Variants in AKAP13 observed in about 807,000 individuals in gnomAD.
The protein encoded by AKAP13 is A-kinase anchoring protein 13.
A neutral mutation model predicts 264.5 loss-of-function variants in AKAP13; 80 were observed. That is an observed-to-expected ratio of 0.30 (90% CI 0.25 to 0.36). The LOEUF (loss-of-function observed/expected upper bound fraction) is 0.36, where lower values mean the gene tolerates loss of function less well. Among genes scored for constraint, AKAP13 ranks in the 10% least tolerant of loss-of-function variants. AKAP13 has a pLI of 1.00. For missense variants in AKAP13, 3,712 were observed against 3,435.2 expected, an observed-to-expected ratio of 1.08 and a Z score of -2.01; for synonymous variants, 1,380 against 1,250.2, an observed-to-expected ratio of 1.10 and a Z score of -2.19.
At chr15:85,418,201 G>C (rs1055858248) in intron 1 of AKAP13, among the ~76,000 whole-genome samples, 1 of 151,642 alleles carries the variant, frequency 6.6e-6, no homozygotes, top group African/African-American at 2.4e-5. Context: ...TCAGCCTCCC[G>C]AGTAGCTGGG....
chr15:85,742,778 C>A (rs557848438), intron 35 of AKAP13, among the ~76,000 whole-genome samples: 1 of 151,994 alleles, frequency 6.6e-6, no homozygotes, highest in Non-Finnish European at 1.5e-5. Context: ...ACCATGTTGC[C>A]GTTTGTTTGA....
chr15:85,414,513 T>TG (rs1330628804), intron 1 of AKAP13, among the ~76,000 whole-genome samples: 1 of 152,196 alleles, frequency 6.6e-6, no homozygotes, highest in Non-Finnish European at 1.5e-5. Context: ...ATTTAGATGA[T>TG]GATATAGAGA....
At chr15:85,397,002 C>G (rs994804335) in intron 1 of AKAP13, among the ~76,000 whole-genome samples, 8 of 143,060 alleles carry the variant, frequency 5.6e-5, no homozygotes, top group African/African-American at 2.1e-4. Context: ...CGTCAGTAGT[C>G]TTTTGTTCCC....
Position 85,440,870 on chromosome 15 carries a change from T to G in AKAP13, c.-11-44840T>G, listed in dbSNP as rs190534765. On this transcript the variant is annotated intron_variant, in intron 1 of 36. Transcript: ENST00000394518. ...TGGGAATGGCTTAGTGTGGTGGAAATTTTTAAAAAAATTCTGCAGTGGCTT... is the reference window on the plus strand; with the variant it reads ...TGGGAATGGCTTAGTGTGGTGGAAAGTTTTAAAAAAATTCTGCAGTGGCTT... Among the ~76,000 whole-genome samples, 67 of 152,294 alleles carry G rather than the reference T, an allele frequency of 4.4e-4. No homozygotes were observed. In the East Asian group the frequency reaches 0.013, roughly 29 times the overall value.
intron 2 of AKAP13, among the ~76,000 whole-genome samples, chr15:85,511,382 C>G (rs2076414214): frequency 1.3e-5 from 2 of 152,222 alleles, no homozygotes; most frequent in South Asian, 4.1e-4. Context: ...TCAGATCTGA[C>G]TGGCCAGGCT....
chr15:85,485,804 A>G (rs766117653), intron 2 of AKAP13, 51 bp downstream of exon 2: 5 of 1,566,454 alleles, frequency 3.2e-6, no homozygotes, highest in East Asian at 2.2e-5. Context: ...TGTTCTGCTT[A>G]CTTGTTATAA....
chr15:85,739,980 A>G lies in AKAP13; in HGVS notation c.7558-242A>G, dbSNP rs533754281. On this transcript the variant is annotated intron_variant, in intron 33 of 36. Coordinates refer to ENST00000394518, the MANE Select transcript of AKAP13 (RefSeq NM_007200.5). ...TCATTTTAAGTAATGGAAGCTTTCT[A>G]TTACATTTTAACTTGTGCTGATGTT... Among the ~76,000 whole-genome samples the G allele has an allele frequency of 2.0e-5, 3 of 152,278 alleles. No homozygotes were observed. The South Asian group carries it at 6.2e-4, about 32-fold the overall frequency.
rs115385197 is a variant in AKAP13, at chr15:85,579,678, C to T, written c.1610C>T (p.Ala537Val). 176 of 1,614,178 alleles carry T rather than the reference C, an allele frequency of 1.1e-4. No individual in the cohort carries two copies. The African/African-American group carries it at 2.0e-3, about 18-fold the overall frequency. Residue 537 changes from alanine to valine, a missense_variant, in exon 7 of 37, where the codon GCC becomes GTC. Physicochemically the swap from Ala to Val is moderately conservative, Grantham distance 64 (BLOSUM62 0). Coordinates refer to ENST00000394518, the MANE Select transcript of AKAP13 (RefSeq NM_007200.5). ...PVDKISVPNC[A>V]PAASSLDGNK... ...GATAAAATCAGTGTTCCAAACTGTG[C>T]CCCTGCTGCCAGTTCCCTGGATGGT... is the stretch of plus-strand genomic sequence containing the variant.
At chr15:85,572,415 T>C (rs1040066564) in intron 5 of AKAP13, among the ~76,000 whole-genome samples, 2 of 152,216 alleles carry the variant, frequency 1.3e-5, no homozygotes, top group African/African-American at 2.4e-5. Context: ...AGTCGTTTCT[T>C]TGAACTGTCG....
chr15:85,603,083 G>A (rs1461936554), intron 8 of AKAP13, among the ~76,000 whole-genome samples: 1 of 152,192 alleles, frequency 6.6e-6, no homozygotes, highest in Non-Finnish European at 1.5e-5. Flanking sequence ...CCCTTGAGAA[G>A]CAGGTTCTAA....
At chr15:85,552,893 A>G (rs1020878019) in intron 5 of AKAP13, among the ~76,000 whole-genome samples, 1 of 152,078 alleles carries the variant, frequency 6.6e-6, no homozygotes, top group Non-Finnish European at 1.5e-5. Flanking sequence ...TGGAGATGGC[A>G]ATGTTGACAT....
chr15:85,627,421 T>C (rs2081467974), intron 8 of AKAP13: 1 of 152,242 alleles, frequency 6.6e-6, no homozygotes, highest in Admixed American at 6.5e-5. Flanking sequence ...AGGTATACAC[T>C]ACCTCTAGAC....
intron 1 of AKAP13, among the ~76,000 whole-genome samples, chr15:85,436,836 A>G (rs1304850275): frequency 1.3e-5 from 2 of 151,986 alleles, no homozygotes; most frequent in Non-Finnish European, 2.9e-5. Flanking sequence ...AGGGAAATTT[A>G]TAGCACTAAA....
intron 12 of AKAP13, among the ~76,000 whole-genome samples, chr15:85,661,454 C>G (rs1418755231): frequency 2.6e-5 from 4 of 152,112 alleles, no homozygotes; most frequent in African/African-American, 9.7e-5. Flanking sequence ...TGCGGTGGCT[C>G]AAGCCTATAA....
At chr15:85,697,481 A>C (rs964768789) in intron 17 of AKAP13, among the ~76,000 whole-genome samples, 76 of 152,328 alleles carry the variant, frequency 5.0e-4, no homozygotes, top group African/African-American at 1.8e-3. Context: ...AGGCAGGAGA[A>C]TCTCTTGAAC....
intron 10 of AKAP13, among the ~76,000 whole-genome samples, chr15:85,646,717 C>T (rs1440855802): frequency 1.3e-5 from 2 of 152,162 alleles, no homozygotes; most frequent in Middle Eastern, 3.2e-3. Context: ...CTCATCTAGC[C>T]TGCCTAATTG....
intron 8 of AKAP13, among the ~76,000 whole-genome samples, chr15:85,639,060 T>C (rs1242224710): frequency 6.6e-6 from 1 of 152,160 alleles, no homozygotes; most frequent in East Asian, 1.9e-4. Context: ...CAAATATGTA[T>C]TTTAATATTT....
intron 8 of AKAP13, among the ~76,000 whole-genome samples, chr15:85,631,483 T>TTG (rs2081805372): frequency 1.0e-4 from 12 of 120,364 alleles, no homozygotes; most frequent in African/African-American, 3.6e-4. Context: ...CACACACACT[T>TTG]TCTCTCTCTC....
At position 85,427,027 on chromosome 15, in the gene AKAP13, C is replaced by T. The variant is rs994007090; in HGVS notation, c.-12+46229C>T. On this transcript the variant is annotated intron_variant, in intron 1 of 36. Coordinates refer to ENST00000394518, the MANE Select transcript of AKAP13 (RefSeq NM_007200.5). The stretch of plus-strand genomic sequence containing the variant: ...CTGGAGTGCAGTGGCGCCATCTCGG[C>T]TCACTGCAAACTCTACCTCCTGGGT... Among the ~76,000 whole-genome samples, 14 of 146,494 alleles carry T rather than the reference C, an allele frequency of 9.6e-5. No individual in the cohort carries two copies. In the East Asian group the frequency reaches 1.4e-3, roughly 15 times the overall value.
Sources: allele counts gnomAD v4.1 joint callset (sites outside exome capture counted in the v4.1 genomes callset), GRCh38; gene constraint gnomAD v4.1.1; transcripts MANE v1.5; gene names NCBI Gene and HGNC (gene_info 2026-07-23, HGNC 2026-07-21).